The following COL19A1 variants were observed in gnomAD, a reference collection of about 807,000 sequenced individuals.
COL19A1 encodes collagen type XIX alpha 1 chain, also known as collagen alpha-1(XIX) chain.
A neutral mutation model predicts 190.2 loss-of-function variants in COL19A1; 159 were observed. That is an observed-to-expected ratio of 0.84 (90% CI 0.73 to 0.95). The LOEUF (loss-of-function observed/expected upper bound fraction) is 0.95, where lower values mean the gene tolerates loss of function less well. Ranked by LOEUF, COL19A1 falls within the 40% of genes least tolerant of loss-of-function variation. The pLI, the probability that COL19A1 is intolerant of heterozygous loss-of-function variation, is 0.00. For synonymous variants in COL19A1, 509 were observed against 458.9 expected (o/e 1.11, Z -1.39); for missense variants, 1,418 against 1,431.9 (o/e 0.99, Z 0.16).
intron 31 of COL19A1, among the ~76,000 whole-genome samples, chr6:70,154,846 T>C (rs2150250781): frequency 6.6e-6 from 1 of 152,266 alleles, no homozygotes; most frequent in South Asian, 2.1e-4. Context: ...AGGAGAAAGA[T>C]GAAAGCCAGA....
intron 27 of COL19A1, 74 bp from the exon 28 acceptor site, chr6:70,149,630 G>C: frequency 6.3e-7 from 1 of 1,575,212 alleles, no homozygotes; most frequent in Non-Finnish European, 8.7e-7. Context: ...ACAATGCTTA[G>C]TCTTTTATGT....
chr6:69,888,904 C>T (rs1250351508), intron 2 of COL19A1, among the ~76,000 whole-genome samples: 5 of 151,956 alleles, frequency 3.3e-5, no homozygotes, highest in Non-Finnish European at 5.9e-5. Flanking sequence ...TTTTTCCCAA[C>T]CTGATATACT....
At chr6:70,099,704 A>G (rs1170822287) in intron 15 of COL19A1, among the ~76,000 whole-genome samples, 2 of 152,262 alleles carry the variant, frequency 1.3e-5, no homozygotes, top group Non-Finnish European at 2.9e-5. Context: ...AGGTGCTAAT[A>G]GAAATTCAAG....
At chr6:69,921,481 T>TGTATATTCATATATATTC (rs1582406601) in intron 4 of COL19A1, among the ~76,000 whole-genome samples, 1 of 86,434 alleles carries the variant, frequency 1.2e-5, no homozygotes, top group Non-Finnish European at 2.0e-5. Flanking sequence ...CATATATTCA[T>TGTATATTCATATATATTC]ATATATTCAT....
chr6:69,929,785 T>A, intron 6 of COL19A1, 85 bp downstream of exon 6: 19 of 1,223,870 alleles, frequency 1.6e-5, no homozygotes, highest in Non-Finnish European at 2.1e-5. Flanking sequence ...CTTTTATTAC[T>A]GTGTAATAGA....
intron 9 of COL19A1, among the ~76,000 whole-genome samples, chr6:69,956,833 TAGA>T (rs1471223113): frequency 1.3e-5 from 2 of 152,078 alleles, no homozygotes; most frequent in African/African-American, 4.8e-5. Flanking sequence ...TAAATTTATA[TAGA>T]AGGTTATACT....
At chr6:69,944,964 T>C (rs2150028825) in intron 9 of COL19A1, among the ~76,000 whole-genome samples, 1 of 152,168 alleles carries the variant, frequency 6.6e-6, no homozygotes, top group Non-Finnish European at 1.5e-5. Flanking sequence ...TTTAATTCCC[T>C]TTTGTTAGCA....
At chr6:69,899,790 C>G (rs1770042960) in intron 3 of COL19A1, among the ~76,000 whole-genome samples, 1 of 152,098 alleles carries the variant, frequency 6.6e-6, no homozygotes, top group Non-Finnish European at 1.5e-5. Context: ...AGTTATAATT[C>G]TTATATTACA....
At chr6:70,007,845 A>AT (rs1377319894) in intron 11 of COL19A1, among the ~76,000 whole-genome samples, 1 of 151,988 alleles carries the variant, frequency 6.6e-6, no homozygotes, top group African/African-American at 2.4e-5. Context: ...ATCACAATAC[A>AT]TTTTAAGGAT....
intron 18 of COL19A1, among the ~76,000 whole-genome samples, chr6:70,136,548 A>G (rs1223929063): frequency 6.6e-5 from 10 of 152,230 alleles, no homozygotes; most frequent in African/African-American, 2.4e-4. Context: ...TTTATGAGAT[A>G]AAGCTATTTA....
intron 9 of COL19A1, among the ~76,000 whole-genome samples, chr6:69,955,449 T>G (rs1460121674): frequency 6.6e-6 from 1 of 151,990 alleles, no homozygotes; most frequent in Non-Finnish European, 1.5e-5. Context: ...ATGTAGCATA[T>G]GTAAACAATT....
chr6:70,130,167 G>A lies in COL19A1; in HGVS notation c.1342-15G>A, dbSNP rs369329628. 2.7e-4 allele frequency: 436 copies of A among 1,610,982 alleles called. 1 individual carries two copies. The African/African-American group carries it at 5.2e-3, about 19-fold the overall frequency. ...GGATTTTTCTTTTGTATTTTAAATT[G>A]TTTTTCACCCCTAGGGAAATGATGA... On this transcript the variant is annotated splice_polypyrimidine_tract_variant and intron_variant, in intron 17 of 50. Coordinates refer to ENST00000620364, the MANE Select transcript of COL19A1 (RefSeq NM_001858.6).
At chr6:70,080,013 G>GTA (rs370230397) in intron 15 of COL19A1, among the ~76,000 whole-genome samples, 312 of 152,248 alleles carry the variant, frequency 2.0e-3, no homozygotes, top group African/African-American at 7.1e-3. Context: ...GAAGGCACAG[G>GTA]TATAAACATG....
intron 17 of COL19A1, among the ~76,000 whole-genome samples, chr6:70,127,946 T>C (rs1227732790): frequency 2.0e-5 from 3 of 152,180 alleles, no homozygotes; most frequent in African/African-American, 7.2e-5. Context: ...TTTCTTTCTT[T>C]CCTTAATTGT....
At chr6:70,064,732 C>G (rs1007259388) in intron 14 of COL19A1, among the ~76,000 whole-genome samples, 2 of 152,176 alleles carry the variant, frequency 1.3e-5, no homozygotes, top group Non-Finnish European at 2.9e-5. Flanking sequence ...AGCCCAAAAT[C>G]TCCTTAAGTT....
chr6:69,947,005 G>A (rs1773861609), intron 9 of COL19A1, among the ~76,000 whole-genome samples: 1 of 151,812 alleles, frequency 6.6e-6, no homozygotes, highest in African/African-American at 2.4e-5. Flanking sequence ...GCCAAGTTAA[G>A]TAATTGTGGC....
intron 27 of COL19A1, among the ~76,000 whole-genome samples, chr6:70,147,911 C>T (rs1786768986): frequency 6.6e-6 from 1 of 152,112 alleles, no homozygotes; most frequent in African/African-American, 2.4e-5. Flanking sequence ...TCCACAGAAT[C>T]AAGTAACGCT....
At chr6:70,094,682 T>C (rs1783135239) in intron 15 of COL19A1, among the ~76,000 whole-genome samples, 1 of 152,206 alleles carries the variant, frequency 6.6e-6, no homozygotes, top group East Asian at 1.9e-4. Flanking sequence ...AGTGTCTAAT[T>C]TAAGATACAC....
At chr6:69,975,735 G>T (rs1775678225) in intron 11 of COL19A1, among the ~76,000 whole-genome samples, 1 of 152,058 alleles carries the variant, frequency 6.6e-6, no homozygotes, top group African/African-American at 2.4e-5. Flanking sequence ...ATGAATTCTA[G>T]GCCTTGAGTA....
Sources: allele counts gnomAD v4.1 joint callset (sites outside exome capture counted in the v4.1 genomes callset), GRCh38; gene constraint gnomAD v4.1.1; transcripts MANE v1.5; gene names NCBI Gene and HGNC (gene_info 2026-07-23, HGNC 2026-07-21).